The following PPIE variants were observed in gnomAD, a reference collection of about 807,000 sequenced individuals.
The protein encoded by PPIE is peptidylprolyl isomerase E.
A neutral mutation model predicts 38.4 loss-of-function variants in PPIE; 20 were observed. The ratio of observed to expected loss-of-function variants is 0.52; its 90% CI spans 0.37 to 0.76. The LOEUF is 0.76. Ranked by LOEUF, PPIE falls within the 30% of genes least tolerant of loss-of-function variation. PPIE has a pLI of 0.00. For synonymous variants in PPIE, 142 were observed against 135.7 expected (o/e 1.05, Z -0.32); for missense variants, 322 against 385.8 (o/e 0.83, Z 1.39).
At chr1:39,744,152 C>T (rs11590717) in intron 6 of PPIE, among the ~76,000 whole-genome samples, 3,677 of 152,244 alleles carry the variant, frequency 0.024, 75 homozygotes, top group East Asian at 0.08. Flanking sequence ...ATGTTGTGTT[C>T]TATGTGATGA....
chr1:39,741,765 A>T, intron 3 of PPIE, 130 bp from the exon 4 acceptor site: 1 of 1,028,982 alleles, frequency 9.7e-7, no homozygotes. Flanking sequence ...TTTGTTAGAA[A>T]CACACAAAAC....
chr1:39,756,872 A>G (rs1648330243), downstream of PPIE, among the ~76,000 whole-genome samples: 2 of 152,320 alleles, frequency 1.3e-5, no homozygotes. Context: ...TTGAGAAGTG[A>G]AAGACATTTT....
At chr1:39,760,940 C>T (rs1436487130), downstream of PPIE, among the ~76,000 whole-genome samples, 1 of 152,050 alleles carries the variant, frequency 6.6e-6, no homozygotes, top group Non-Finnish European at 1.5e-5. Flanking sequence ...CTGGAAGGAC[C>T]ACTTTCTTCT....
intron 4 of PPIE, 94 bp downstream of exon 4, chr1:39,742,015 C>T: frequency 2.2e-6 from 3 of 1,394,720 alleles, no homozygotes; most frequent in East Asian, 2.3e-5. Context: ...TCCAAAGTTA[C>T]AAGGTTGCAT....
chr1:39,749,133 G>A, intron 8 of PPIE, 45 bp downstream of exon 8: 4 of 1,537,022 alleles, frequency 2.6e-6, no homozygotes, highest in Non-Finnish European at 3.5e-6. Flanking sequence ...CTGGGCAAGG[G>A]TGGGATGGCC....
chr1:39,763,247 C>G, intron 9 of PPIE: 1 of 1,548,016 alleles, frequency 6.5e-7, no homozygotes, highest in Non-Finnish European at 8.8e-7. Context: ...GTGCCCCTCC[C>G]TGAGCCTCAG....
chr1:39,753,337 CTG>C lies in PPIE; in HGVS notation c.891_892del (p.Cys297TrpfsTer17). 1 of 1,614,196 alleles carries C rather than the reference CTG, an allele frequency of 6.2e-7. No homozygotes were observed. The highest frequency in any genetic ancestry group is 1.3e-5 in the African/African-American group (1 of 75,070). ...CAAAGCAGAAGGTGATCATCGCCGA[CTG>C]TGGGGAGTACGTGTGAGGCGGCACT... ...KPKQKVIIAD[C>X]GEYV On this transcript the variant is annotated frameshift_variant, in exon 10 of 10. Coordinates refer to ENST00000324379, the MANE Select transcript of PPIE (RefSeq NM_006112.4). LOFTEE classifies it high-confidence loss of function.
intron 4 of PPIE, chr1:39,742,490 C>CTTTTTTTTTTTTTTTTTTTTTTTTT: frequency 9.3e-6 from 1 of 107,294 alleles, no homozygotes; most frequent in Non-Finnish European, 1.8e-5. Flanking sequence ...TTCTTTCTTT[C>CTTTTTTTTTTTTTTTTTTTTTTTTT]TTTTTTTTTT....
chr1:39,760,717 A>C (rs1281713873), downstream of PPIE: 5 of 1,152,144 alleles, frequency 4.3e-6, no homozygotes, highest in Non-Finnish European at 6.0e-6. Context: ...ATTAACAGGA[A>C]TAAGAGCAGT....
intron 4 of PPIE, chr1:39,742,700 A>C (rs1048427341): frequency 1.3e-5 from 2 of 152,248 alleles, no homozygotes; most frequent in African/African-American, 4.8e-5. Context: ...TATTATTTTT[A>C]GTTTCATCAC....
intron 2 of PPIE, among the ~76,000 whole-genome samples, chr1:39,740,464 C>G (rs891382542): frequency 6.6e-6 from 1 of 152,148 alleles, no homozygotes; most frequent in Non-Finnish European, 1.5e-5. Flanking sequence ...TGAATACTTT[C>G]CAGAGTCTTC....
At chr1:39,759,997 G>C (rs1244023520), downstream of PPIE, 1 of 223,380 alleles carries the variant, frequency 4.5e-6, no homozygotes, top group African/African-American at 2.3e-5. Flanking sequence ...ACCACACCCT[G>C]TGATGGATGG....
downstream of PPIE, chr1:39,757,880 T>G (rs900075889): frequency 2.6e-5 from 4 of 152,262 alleles, no homozygotes; most frequent in African/African-American, 9.6e-5. Context: ...GGTGACTATC[T>G]GGATGATAAA....
At chr1:39,740,450 A>G (rs1216770148) in intron 2 of PPIE, among the ~76,000 whole-genome samples, 187 bp downstream of exon 2, 4 of 152,228 alleles carry the variant, frequency 2.6e-5, no homozygotes, top group African/African-American at 9.6e-5. Context: ...GTGGTTGTGA[A>G]CTCTGAATAC....
Position 39,741,903 on chromosome 1 carries a change from A to G in PPIE, c.183A>G (p.Ala61=). The part of the protein sequence containing the change: ...FVEFELAEDA[A]AAIDNMNESE... ...TTGTCTTTCCTTGGCAGGATGCTGC[A>G]GCAGCTATCGACAACATGGTATGGC... is the stretch of plus-strand genomic sequence containing the variant. Residue 61 remains alanine, a synonymous_variant, in exon 4 of 10, where the codon GCA becomes GCG. Transcript: ENST00000324379. The G allele has an allele frequency of 6.2e-7, 1 of 1,614,266 alleles. No homozygotes were observed. Among genetic ancestry groups the G allele is most frequent in the South Asian group, 1.1e-5 (1 of 91,088 alleles).
downstream of PPIE, chr1:39,760,003 G>C (rs1020497216): frequency 1.3e-5 from 3 of 225,210 alleles, no homozygotes; most frequent in African/African-American, 2.3e-5. Flanking sequence ...CCCTGTGATG[G>C]ATGGTGAAGA....
chr1:39,758,325 G>C (rs1338886402), downstream of PPIE: 4 of 152,232 alleles, frequency 2.6e-5, no homozygotes, highest in Non-Finnish European at 4.4e-5. Flanking sequence ...CCACCTCCCA[G>C]GTTCAAGCAA....
chr1:39,743,186 T>C, intron 4 of PPIE, 30 bp from the exon 5 acceptor site: 1 of 1,600,844 alleles, frequency 6.2e-7, no homozygotes, highest in Non-Finnish European at 8.6e-7. Flanking sequence ...CCTAAGAGAG[T>C]TTAAGCAGCT....
At chr1:39,743,716 G>T (rs1647120087) in intron 5 of PPIE, 108 bp from the exon 6 acceptor site, 2 of 827,858 alleles carry the variant, frequency 2.4e-6, no homozygotes, top group African/African-American at 1.7e-5. Context: ...GTGGGGAATT[G>T]TCTGGCATAC....
Sources: allele counts gnomAD v4.1 joint callset (sites outside exome capture counted in the v4.1 genomes callset), GRCh38; gene constraint gnomAD v4.1.1; transcripts MANE v1.5; gene names NCBI Gene and HGNC (gene_info 2026-07-23, HGNC 2026-07-21).